The following EPG5 variants were observed in gnomAD, a reference collection of about 807,000 sequenced individuals.
The protein encoded by EPG5 is ectopic P granules protein 5 homolog.
EPG5 carries 159 observed loss-of-function variants against 302.7 expected under a neutral mutation model. The observed-to-expected ratio is 0.53, with a 90% CI of 0.46 to 0.60. The LOEUF (loss-of-function observed/expected upper bound fraction) is 0.60. Ranked by LOEUF, EPG5 falls within the 20% of genes least tolerant of loss-of-function variation. The pLI, the probability that EPG5 is intolerant of heterozygous loss-of-function variation, is 0.00. For synonymous variants in EPG5, 1,158 were observed against 1,136.8 expected, an observed-to-expected ratio of 1.02 and a Z score of -0.37; for missense variants, 2,896 against 3,092.4, an observed-to-expected ratio of 0.94 and a Z score of 1.51.
the EPG5 span, among the ~76,000 whole-genome samples, chr18:45,814,468 T>C: frequency 1.3e-5 from 2 of 152,222 alleles, no homozygotes; most frequent in African/African-American, 4.8e-5. Flanking sequence ...AAGAACACCA[T>C]GGGACAGTTG....
chr18:45,895,534 T>C (rs945664754), intron 27 of EPG5, among the ~76,000 whole-genome samples: 6 of 152,136 alleles, frequency 3.9e-5, no homozygotes, highest in South Asian at 2.1e-4. Context: ...GCACAGACAG[T>C]AGGCAAAAGA....
At chr18:45,948,728 T>C (rs1021427121) in intron 5 of EPG5, 152 bp from the exon 6 acceptor site, 8 of 615,490 alleles carry the variant, frequency 1.3e-5, no homozygotes, top group Non-Finnish European at 2.3e-5. Flanking sequence ...AGCCCATGGG[T>C]TACCTGGTGG....
chr18:45,864,766 C>T (rs184351248), intron 39 of EPG5, among the ~76,000 whole-genome samples: 46 of 152,316 alleles, frequency 3.0e-4, no homozygotes, highest in Non-Finnish European at 5.0e-4. Context: ...GCTGTTTCTA[C>T]CAATCTAGGT....
the EPG5 span, among the ~76,000 whole-genome samples, chr18:45,808,346 A>C: frequency 6.6e-6 from 1 of 152,346 alleles, no homozygotes; most frequent in South Asian, 2.1e-4. Flanking sequence ...CTTGCTAGAG[A>C]TCTAGACATC....
intron 43 of EPG5, among the ~76,000 whole-genome samples, chr18:45,853,886 C>T (rs1023861170): frequency 1.3e-5 from 2 of 152,174 alleles, no homozygotes; most frequent in African/African-American, 2.4e-5. Flanking sequence ...TAAATTTAGT[C>T]CCCCAAACAG....
chr18:45,901,711 A>G (rs2049623497), intron 25 of EPG5, among the ~76,000 whole-genome samples: 1 of 152,120 alleles, frequency 6.6e-6, no homozygotes, highest in African/African-American at 2.4e-5. Flanking sequence ...TCCATCAGTC[A>G]TTTATTCATT....
chr18:45,906,706 G>T (rs1423142693), intron 24 of EPG5, among the ~76,000 whole-genome samples: 1 of 151,496 alleles, frequency 6.6e-6, no homozygotes, highest in Non-Finnish European at 1.5e-5. Context: ...CCAGGCTGGA[G>T]TGCAGTGGTG....
In EPG5 at chr18:45,944,039, T is replaced by C. The variant is rs2050734028; in HGVS notation, c.1758A>G (p.Glu586=). 6.2e-7 allele frequency: 1 copy of C among 1,613,478 alleles called. No individual in the cohort carries two copies. Among genetic ancestry groups the C allele is most frequent in the Non-Finnish European group, 8.5e-7 (1 of 1,179,664 alleles). ...VTILAQFPFH[E]LFQHLLGFKA... is the part of the protein sequence containing the mutation. ...TAAACCCAAGAAGATGCTGAAAGAG[T>C]TCATGAAAGGGGAACTGTGCTAAAA... Residue 586 remains glutamate, a synonymous_variant, in exon 8 of 44, where the codon GAA becomes GAG. Coordinates refer to ENST00000282041, the MANE Select transcript of EPG5 (RefSeq NM_020964.3).
chr18:45,943,933 A>G lies in EPG5; in HGVS notation c.1792+72T>C, dbSNP rs2050730251. Reference sequence around the variant, plus strand: ...AAGACTCCATCTCAAAAAAAAAAAGAAGACTCAATGCAGAGTTCCTGTGTT... The same window carrying G: ...AAGACTCCATCTCAAAAAAAAAAAGGAGACTCAATGCAGAGTTCCTGTGTT... On this transcript the variant is annotated intron_variant, in intron 8 of 43. Coordinates refer to ENST00000282041, the MANE Select transcript of EPG5 (RefSeq NM_020964.3). 26 of 957,444 alleles carry G rather than the reference A, an allele frequency of 2.7e-5. No individual in the cohort carries two copies. In the South Asian group the frequency reaches 3.7e-4, roughly 14 times the overall value. The allele number at this position is 957,444 out of a possible 1,614,324, so 59.3% of individuals were successfully genotyped here.
rs55950321 is a variant in EPG5, at chr18:45,943,942, T to C, written c.1792+63A>G. The stretch of plus-strand genomic sequence containing the variant: ...TCTCAAAAAAAAAAAGAAGACTCAA[T>C]GCAGAGTTCCTGTGTTTACACTTGC... On this transcript the variant is annotated intron_variant, in intron 8 of 43. Coordinates refer to ENST00000282041, the MANE Select transcript of EPG5 (RefSeq NM_020964.3). The C allele has an allele frequency of 8.1e-3, 8,406 of 1,041,282 alleles. 46 individuals carry two copies. Among genetic ancestry groups the C allele is most frequent in the Non-Finnish European group, 0.01 (6,815 of 676,268 alleles). The allele number at this position is 1,041,282 out of a possible 1,614,324, so 64.5% of individuals were successfully genotyped here.
chr18:45,937,973 T>G (rs186596574), intron 10 of EPG5, among the ~76,000 whole-genome samples: 2 of 152,236 alleles, frequency 1.3e-5, no homozygotes, highest in African/African-American at 4.8e-5. Context: ...AGTAAGTAAC[T>G]AGGATGAGAG....
the EPG5 span, chr18:45,839,152 T>C: frequency 7.4e-7 from 1 of 1,346,048 alleles, no homozygotes; most frequent in Non-Finnish European, 9.5e-7. Context: ...CTCTCTGCTC[T>C]TAGATAAGAC....
the EPG5 span, chr18:45,837,750 T>G: frequency 6.6e-7 from 1 of 1,515,972 alleles, no homozygotes; most frequent in East Asian, 2.7e-5. Context: ...TTCCGGCTGC[T>G]GGGCAACCCG....
intron 40 of EPG5, 29 bp downstream of exon 40, chr18:45,860,075 C>A: frequency 3.7e-6 from 6 of 1,613,078 alleles, no homozygotes; most frequent in Non-Finnish European, 5.1e-6. Flanking sequence ...AAGACCAATA[C>A]AATGGAGCGT....
intron 19 of EPG5, 124 bp downstream of exon 19, chr18:45,915,885 G>A: frequency 1.1e-6 from 1 of 939,086 alleles, no homozygotes; most frequent in South Asian, 1.7e-5. Context: ...GTACCATTAA[G>A]GCAAAGCTTA....
chr18:45,955,188 C>T lies in EPG5; in HGVS notation c.214G>A (p.Ala72Thr), dbSNP rs201067154. 1.3e-3 allele frequency: 2,126 copies of T among 1,614,154 alleles called. 7 individuals carry two copies. The highest frequency in any genetic ancestry group is 2.4e-3 in the South Asian group (220 of 91,086). ...VVTDSQLQDD[A>T]SGQNESEMFD... The stretch of plus-strand genomic sequence containing the variant: ...ATTTCACTCTCATTTTGTCCACTGG[C>T]ATCATCCTGGAGCTGGGAATCAGTT... Residue 72 changes from alanine (A) to threonine (T), a missense_variant, in exon 2 of 44, where the codon GCC (alanine) becomes ACC (threonine). This residue lies in a region of EPG5 where 1,390 missense variants were observed against 1,430.0 expected (regional missense o/e 0.97). Coordinates refer to ENST00000282041, the MANE Select transcript of EPG5 (RefSeq NM_020964.3).
At chr18:45,823,427 AT>A in the EPG5 span, among the ~76,000 whole-genome samples, 1 of 152,098 alleles carries the variant, frequency 6.6e-6, no homozygotes. Context: ...TTGTCCCTAA[AT>A]TACCTCTCTC....
the EPG5 span, chr18:45,825,477 G>T: frequency 1.8e-6 from 1 of 557,096 alleles, no homozygotes; most frequent in Non-Finnish European, 3.2e-6. Flanking sequence ...TCCTGTCCTG[G>T]AAAATCATCC....
rs368868174 is a variant in EPG5, at chr18:45,955,096, G to A, written c.306C>T (p.Pro102=). 25 of 1,613,878 alleles carry A rather than the reference G, an allele frequency of 1.5e-5. No individual in the cohort carries two copies. In the African/African-American group the frequency reaches 3.1e-4, roughly 20 times the overall value. ...NEESLTCNTE[P]PKEGGEARPC... is the part of the protein sequence containing the mutation. The stretch of plus-strand genomic sequence containing the variant: ...GTCTGGCCTCTCCCCCTTCCTTTGG[G>A]GGCTCTGTGTTACACGTCAGGGACT... Residue 102 remains proline (P), a synonymous_variant, in exon 2 of 44, where the codon CCC becomes CCT. Coordinates refer to ENST00000282041, the MANE Select transcript of EPG5 (RefSeq NM_020964.3).
Sources: allele counts gnomAD v4.1 joint callset (sites outside exome capture counted in the v4.1 genomes callset), GRCh38; gene constraint gnomAD v4.1.1; regional missense constraint gnomAD v4.1.1; transcripts MANE v1.5; gene names NCBI Gene and HGNC (gene_info 2026-07-23, HGNC 2026-07-21).